Variants in LTBP1 observed in about 807,000 individuals in gnomAD.
LTBP1 encodes latent transforming growth factor beta binding protein 1, also known as latent-transforming growth factor beta-binding protein 1.
LTBP1 carries 129 observed loss-of-function variants against 207.6 expected under a neutral mutation model. That is an observed-to-expected ratio of 0.62 (90% CI 0.54 to 0.72). The LOEUF (loss-of-function observed/expected upper bound fraction) is 0.72. Ranked by LOEUF, LTBP1 falls within the 30% of genes least tolerant of loss-of-function variation. The probability of loss-of-function intolerance (pLI) is 0.00; values close to 1 mark genes in which losing one functional copy is unlikely to be tolerated. For synonymous variants in LTBP1, 963 were observed against 833.7 expected, an observed-to-expected ratio of 1.16 and a Z score of -2.67; for missense variants, 2,281 against 2,217.2, an observed-to-expected ratio of 1.03 and a Z score of -0.58.
At chr2:33,199,023 C>A (rs575420171) in intron 7 of LTBP1, among the ~76,000 whole-genome samples, 1 of 152,144 alleles carries the variant, frequency 6.6e-6, no homozygotes, top group African/African-American at 2.4e-5. Flanking sequence ...CCTGCTTTCT[C>A]TTGTGGGCAT....
At chr2:32,974,232 C>G (rs1681360532) in intron 2 of LTBP1, among the ~76,000 whole-genome samples, 1 of 152,150 alleles carries the variant, frequency 6.6e-6, no homozygotes, top group Admixed American at 6.5e-5. Context: ...TATGAAGGTT[C>G]CCTTTTCTCT....
intron 24 of LTBP1, among the ~76,000 whole-genome samples, chr2:33,316,092 T>G (rs1027181159): frequency 6.6e-6 from 1 of 152,134 alleles, no homozygotes; most frequent in African/African-American, 2.4e-5. Flanking sequence ...TGTAAGATGT[T>G]AAGATAATGC....
intron 24 of LTBP1, among the ~76,000 whole-genome samples, chr2:33,325,329 GA>G (rs1395548427): frequency 6.6e-6 from 1 of 152,138 alleles, no homozygotes; most frequent in Non-Finnish European, 1.5e-5. Flanking sequence ...AGAAAATATA[GA>G]AAAAAGTGAG....
chr2:33,120,212 G>C (rs2081024492), intron 4 of LTBP1, among the ~76,000 whole-genome samples: 1 of 149,080 alleles, frequency 6.7e-6, no homozygotes, highest in Non-Finnish European at 1.5e-5. Context: ...TTTAGGTTTA[G>C]GGGTACATGT....
chr2:33,201,005 A>C (rs988044969), intron 7 of LTBP1, among the ~76,000 whole-genome samples: 1 of 152,372 alleles, frequency 6.6e-6, no homozygotes, highest in African/African-American at 2.4e-5. Context: ...GTGGAGAATT[A>C]GGTACACTTT....
chr2:33,363,393 C>G lies in LTBP1; in HGVS notation c.4274C>G (p.Ala1425Gly), dbSNP rs2094948333. 2.5e-6 allele frequency: 4 copies of G among 1,613,344 alleles called. No homozygotes were observed. The highest frequency in any genetic ancestry group is 1.7e-5 in the Admixed American group (1 of 59,972). ...TTCTCAATTTTTTTCCCCGTAGATGCAGATGAATGCCTACTTTTTGGACAA... is the reference window on the plus strand; with the variant it reads ...TTCTCAATTTTTTTCCCCGTAGATGGAGATGAATGCCTACTTTTTGGACAA... ...SEAGGENYKDADECLLFGQEI... is the reference protein window; with the variant it reads ...SEAGGENYKDGDECLLFGQEI... Residue 1425 changes from alanine to glycine, a missense_variant, in exon 29 of 34, where the codon GCA becomes GGA. Ala to Gly is a moderately conservative substitution (Grantham distance 60). This residue lies in a region of LTBP1 where 1,671 missense variants were observed against 1,634.8 expected (regional missense o/e 1.02). Coordinates refer to ENST00000404816, the MANE Select transcript of LTBP1 (RefSeq NM_206943.4).
intron 31 of LTBP1, among the ~76,000 whole-genome samples, chr2:33,368,445 A>T (rs991505189): frequency 9.2e-5 from 14 of 152,230 alleles, no homozygotes; most frequent in African/African-American, 3.4e-4. Flanking sequence ...TCTTTTGGAT[A>T]TAATGACTTC....
intron 3 of LTBP1, among the ~76,000 whole-genome samples, chr2:33,102,013 G>A (rs1013548234): frequency 6.6e-6 from 1 of 152,130 alleles, no homozygotes; most frequent in East Asian, 1.9e-4. Context: ...GATATGTCTT[G>A]TGTCCAGGCA....
At position 33,347,518 on chromosome 2, in the gene LTBP1, C is replaced by G; in HGVS notation, c.4000+8C>G. 6.2e-6 allele frequency: 10 copies of G among 1,613,986 alleles called. No homozygotes were observed. Among genetic ancestry groups the G allele is most frequent in the Non-Finnish European group, 8.5e-6 (10 of 1,179,998 alleles). Reference sequence around the variant, plus strand: ...GCTCCCGGACCTCCACAGGTAAGTCCCAGTGACACTGTGCAAGGGAATGAC... The same window carrying G: ...GCTCCCGGACCTCCACAGGTAAGTCGCAGTGACACTGTGCAAGGGAATGAC... On this transcript the variant is annotated splice_region_variant and intron_variant, in intron 26 of 33. Transcript: ENST00000404816.
intron 31 of LTBP1, among the ~76,000 whole-genome samples, chr2:33,381,674 TA>T: frequency 6.6e-6 from 1 of 152,354 alleles, no homozygotes; most frequent in East Asian, 1.9e-4. Flanking sequence ...CATTCATGGT[TA>T]TTACTCTCCC....
intron 19 of LTBP1, among the ~76,000 whole-genome samples, chr2:33,281,530 C>T (rs912392065): frequency 1.3e-5 from 2 of 152,138 alleles, no homozygotes; most frequent in Admixed American, 6.5e-5. Flanking sequence ...GGTCTTCATT[C>T]TCATAGCCCT....
chr2:32,964,117 G>A (rs1018337420), intron 2 of LTBP1, among the ~76,000 whole-genome samples: 5 of 152,208 alleles, frequency 3.3e-5, no homozygotes, highest in African/African-American at 1.2e-4. Context: ...AGGAGACAGG[G>A]CTGTGCTGCC....
intron 7 of LTBP1, among the ~76,000 whole-genome samples, chr2:33,212,715 T>C (rs373500014): frequency 5.6e-4 from 85 of 152,314 alleles, no homozygotes; most frequent in African/African-American, 1.9e-3. Flanking sequence ...CCTTTAGTCC[T>C]GCCAATACAA....
At chr2:33,161,718 A>G (rs1398134477) in intron 5 of LTBP1, among the ~76,000 whole-genome samples, 1 of 152,232 alleles carries the variant, frequency 6.6e-6, no homozygotes, top group Non-Finnish European at 1.5e-5. Context: ...AGATTAATAT[A>G]TTTTAATTTA....
At chr2:33,196,753 G>C (rs144871538) in intron 7 of LTBP1, among the ~76,000 whole-genome samples, 1 of 152,306 alleles carries the variant, frequency 6.6e-6, no homozygotes, top group Non-Finnish European at 1.5e-5. Flanking sequence ...TGACATCTTT[G>C]TTACAAGCAG....
At chr2:33,205,906 C>T (rs796626992) in intron 7 of LTBP1, among the ~76,000 whole-genome samples, 8 of 152,294 alleles carry the variant, frequency 5.3e-5, no homozygotes, top group African/African-American at 1.9e-4. Context: ...TGTGAGCACA[C>T]AGCCAGATGG....
chr2:33,056,895 G>T (rs1005005189), intron 3 of LTBP1, among the ~76,000 whole-genome samples: 2 of 152,038 alleles, frequency 1.3e-5, no homozygotes, highest in African/African-American at 4.8e-5. Flanking sequence ...ACATCCTGCC[G>T]ATTGGTCCAT....
intron 24 of LTBP1, among the ~76,000 whole-genome samples, chr2:33,321,313 C>G (rs546012535): frequency 6.8e-4 from 104 of 152,270 alleles, no homozygotes; most frequent in Middle Eastern, 3.4e-3. Flanking sequence ...ATAAATCACT[C>G]CTTGCTTACA....
At chr2:33,150,710 C>CTTTTTTTTTTTTTTTTTTTTTTTTTTTTT (rs1176008947) in intron 5 of LTBP1, among the ~76,000 whole-genome samples, 24 of 69,298 alleles carry the variant, frequency 3.5e-4, no homozygotes, top group East Asian at 8.7e-4. Flanking sequence ...TTTTCTTTTT[C>CTTTTTTTTTTTTTTTTTTTTTTTTTTTTT]TTTTTTTTTT....
Sources: gnomAD v4.1 joint callset for allele counts (sites outside exome capture counted in the v4.1 genomes callset) on GRCh38, gnomAD v4.1.1 for gene constraint, gnomAD v4.1.1 regional missense constraint, MANE v1.5 for transcripts, NCBI Gene and HGNC (gene_info 2026-07-23, HGNC 2026-07-21) for gene names.